The following THADA variants were observed in gnomAD, a reference collection of about 807,000 sequenced individuals.
THADA encodes the protein tRNA (32-2'-O)-methyltransferase regulator THADA.
In THADA, 213 loss-of-function variants were observed where a neutral mutation model predicts 219.8. That is an observed-to-expected ratio of 0.97 (90% CI 0.87 to 1.09). The LOEUF (loss-of-function observed/expected upper bound fraction) is 1.09, where lower values mean the gene tolerates loss of function less well. THADA is among the 50% of genes least tolerant of loss of function. The pLI, the probability that THADA is intolerant of heterozygous loss-of-function variation, is 0.00. For synonymous variants in THADA, 1,018 were observed against 828.9 expected (o/e 1.23, Z -3.92); for missense variants, 2,956 against 2,311.3 (o/e 1.28, Z -5.72).
intron 26 of THADA, among the ~76,000 whole-genome samples, chr2:43,435,523 C>T (rs763643798): frequency 4.6e-5 from 7 of 152,014 alleles, no homozygotes; most frequent in Non-Finnish European, 1.0e-4. Flanking sequence ...TGGCTCATGC[C>T]TGCAATTCCA....
At chr2:43,392,111 G>A (rs1440407877) in intron 29 of THADA, among the ~76,000 whole-genome samples, 1 of 152,108 alleles carries the variant, frequency 6.6e-6, no homozygotes. Flanking sequence ...AACATCTTAG[G>A]TCGCCAAATG....
At chr2:43,375,926 G>A (rs1222839277) in intron 29 of THADA, among the ~76,000 whole-genome samples, 1 of 152,178 alleles carries the variant, frequency 6.6e-6, no homozygotes, top group Non-Finnish European at 1.5e-5. Flanking sequence ...AGAATTTCGT[G>A]AAATCAGTGT....
intron 25 of THADA, among the ~76,000 whole-genome samples, chr2:43,496,849 A>G (rs1688334525): frequency 6.6e-6 from 1 of 152,224 alleles, no homozygotes; most frequent in African/African-American, 2.4e-5. Flanking sequence ...ATACATTATA[A>G]TTCATTGCAG....
intron 19 of THADA, among the ~76,000 whole-genome samples, chr2:43,550,318 C>A (rs184662709): frequency 6.6e-6 from 1 of 152,120 alleles, no homozygotes; most frequent in Non-Finnish European, 1.5e-5. Flanking sequence ...AATACAAACA[C>A]GCAAATTACT....
chr2:43,356,833 G>A (rs2104575605), intron 29 of THADA, among the ~76,000 whole-genome samples: 1 of 152,282 alleles, frequency 6.6e-6, no homozygotes, highest in African/African-American at 2.4e-5. Context: ...TGGGATGTAT[G>A]TGCCTACTGG....
At chr2:43,540,694 A>C (rs1034497166) in intron 21 of THADA, among the ~76,000 whole-genome samples, 6 of 152,238 alleles carry the variant, frequency 3.9e-5, no homozygotes, top group African/African-American at 1.4e-4. Context: ...ATGGTGAACT[A>C]ACTTTGTGGT....
chr2:43,442,368 G>A (rs542680671), intron 26 of THADA, among the ~76,000 whole-genome samples: 7 of 152,164 alleles, frequency 4.6e-5, no homozygotes, highest in Non-Finnish European at 8.8e-5. Context: ...CCCAGGAGGC[G>A]GAGGTTGCAG....
chr2:43,505,763 AG>A, intron 23 of THADA, 28 bp from the exon 24 acceptor site: 2 of 1,490,830 alleles, frequency 1.3e-6, no homozygotes, highest in Non-Finnish European at 1.8e-6. Context: ...AAAAATTAAC[AG>A]GGTTCTTAGT....
At chr2:43,510,083 G>A (rs955829645) in intron 22 of THADA, among the ~76,000 whole-genome samples, 7 of 152,096 alleles carry the variant, frequency 4.6e-5, no homozygotes, top group African/African-American at 1.7e-4. Flanking sequence ...AGTAACAGAG[G>A]AAATTTATAT....
At chr2:43,571,886 T>C (rs756314350) in intron 12 of THADA, 24 bp from the exon 13 acceptor site, 3 of 1,607,808 alleles carry the variant, frequency 1.9e-6, no homozygotes, top group Non-Finnish European at 1.7e-6. Context: ...AGCAATAAAA[T>C]GTTAATTTTC....
intron 30 of THADA, among the ~76,000 whole-genome samples, chr2:43,340,754 T>C (rs550933789): frequency 1.3e-5 from 2 of 152,190 alleles, no homozygotes; most frequent in Non-Finnish European, 2.9e-5. Flanking sequence ...GCCTCTTCAG[T>C]AGTTGAATTT....
chr2:43,423,912 C>T (rs1180314842), intron 28 of THADA, among the ~76,000 whole-genome samples: 2 of 152,108 alleles, frequency 1.3e-5, no homozygotes, highest in African/African-American at 2.4e-5. Flanking sequence ...ATTCAGAGAG[C>T]CAGTCAAGGT....
intron 22 of THADA, among the ~76,000 whole-genome samples, chr2:43,514,072 A>T (rs898925530): frequency 1.3e-4 from 19 of 151,882 alleles, no homozygotes; most frequent in African/African-American, 4.4e-4. Flanking sequence ...AAAAAAAAAA[A>T]AAATAAAGAA....
chr2:43,275,744 T>C (rs1266560939), intron 36 of THADA, among the ~76,000 whole-genome samples: 5 of 152,240 alleles, frequency 3.3e-5, no homozygotes, highest in East Asian at 1.9e-4. Context: ...CCTTCTAAGA[T>C]ACCTTTCTTA....
intron 21 of THADA, among the ~76,000 whole-genome samples, chr2:43,531,772 T>C (rs1237926343): frequency 6.6e-6 from 1 of 152,194 alleles, no homozygotes; most frequent in Non-Finnish European, 1.5e-5. Context: ...GTTCACAAAA[T>C]GGATAATGGA....
At chr2:43,386,836 T>A (rs2104676631) in intron 29 of THADA, among the ~76,000 whole-genome samples, 1 of 149,772 alleles carries the variant, frequency 6.7e-6, no homozygotes, top group East Asian at 2.0e-4. Flanking sequence ...AGGCAGAGGT[T>A]GCAGTGAGCC....
At chr2:43,501,065 G>T (rs1688887790) in intron 24 of THADA, among the ~76,000 whole-genome samples, 1 of 151,960 alleles carries the variant, frequency 6.6e-6, no homozygotes, top group South Asian at 2.1e-4. Context: ...CAGCACTTTG[G>T]GAAGCTGAAG....
rs764933076 is a variant in THADA, at chr2:43,574,865, C to T, written c.1200G>A (p.Trp400Ter). Residue 400 changes from tryptophan to a stop codon, truncating the protein, a stop_gained, in exon 11 of 38, where the codon TGG becomes TGA. Coordinates refer to ENST00000405975, the MANE Select transcript of THADA (RefSeq NM_022065.5). LOFTEE classifies it high-confidence loss of function. ...GTCTCAGAGCATCCAATGGATGTTC[C>T]CAATGGGTATAGACATATTCCAAAA... Reference protein sequence around the residue: ...GRLLEYVYTHWEHPLDALRHQ... With the variant: ...GRLLEYVYTH 6.2e-7 allele frequency: 1 copy of T among 1,613,950 alleles called. No individual in the cohort carries two copies. Among genetic ancestry groups the T allele is most frequent in the South Asian group, 1.1e-5 (1 of 91,078 alleles).
chr2:43,515,276 T>C (rs1267435314), intron 22 of THADA, among the ~76,000 whole-genome samples: 2 of 65,500 alleles, frequency 3.1e-5, no homozygotes, highest in East Asian at 4.4e-4. Context: ...ATATAATATA[T>C]AATATATTAT....
Sources: allele counts gnomAD v4.1 joint callset (sites outside exome capture counted in the v4.1 genomes callset), GRCh38; gene constraint gnomAD v4.1.1; transcripts MANE v1.5; gene names NCBI Gene and HGNC (gene_info 2026-07-23, HGNC 2026-07-21).